The following AP2A1 variants were observed in gnomAD, a reference collection of about 807,000 sequenced individuals.
AP2A1 encodes AP-2 complex subunit alpha-1.
A neutral mutation model predicts 107.3 loss-of-function variants in AP2A1; 21 were observed. That is an observed-to-expected ratio of 0.20 (90% confidence interval 0.14 to 0.28). The LOEUF (loss-of-function observed/expected upper bound fraction) is 0.28, where lower values mean the gene tolerates loss of function less well. Among genes scored for constraint, AP2A1 ranks in the 10% least tolerant of loss-of-function variants. The pLI is 1.00. For missense variants in AP2A1, 873 were observed against 1,307.7 expected (o/e 0.67, Z 5.13); for synonymous variants, 602 against 564.8 (o/e 1.07, Z -0.93).
intron 1 of AP2A1, among the ~76,000 whole-genome samples, chr19:49,767,804 A>C (rs1410957022): frequency 1.5e-4 from 23 of 151,978 alleles, no homozygotes; most frequent in Non-Finnish European, 1.5e-4. Context: ...CGGGGAGACT[A>C]TAAGGACACC....
At chr19:49,770,580 C>T (rs1251505696) in intron 1 of AP2A1, among the ~76,000 whole-genome samples, 1 of 152,172 alleles carries the variant, frequency 6.6e-6, no homozygotes, top group African/African-American at 2.4e-5. Context: ...AGAAACGGGC[C>T]AAATGCCCAT....
At position 49,806,904 on chromosome 19, in the gene AP2A1, T is replaced by C. The variant is rs182017696; in HGVS notation, c.*146T>C. 11 of 1,538,526 alleles carry C rather than the reference T, an allele frequency of 7.1e-6. No individual in the cohort carries two copies. In the Admixed American group the frequency reaches 1.6e-4, roughly 22 times the overall value. ...TGGGACTTTCCTCCGGCCTTTTGTA[T>C]TTTTATTTTTGTTCATCTGCTGCTG... On this transcript the variant is annotated 3_prime_UTR_variant, in exon 23 of 23. Coordinates refer to ENST00000354293, the MANE Select transcript of AP2A1 (RefSeq NM_130787.3).
Position 49,805,934 on chromosome 19 carries a change from A to G in AP2A1, c.2648A>G (p.Lys883Arg). 6.2e-7 allele frequency: 1 copy of G among 1,613,854 alleles called. No homozygotes were observed. Among genetic ancestry groups the G allele is most frequent in the Non-Finnish European group, 8.5e-7 (1 of 1,179,884 alleles). The change falls in exon 21 of 23, where the codon AAG becomes AGG. Residue 883 changes from lysine (K) to arginine (R), a missense_variant. By Grantham distance (26) the Lys-to-Arg change is conservative. Coordinates refer to ENST00000354293, the MANE Select transcript of AP2A1 (RefSeq NM_130787.3). ...ANHPMDAEVT[K>R]AKLLGFGSAL... ...CACCCCATGGACGCAGAAGTTACTA[A>G]GGCCAAGGTGAGAGACCGCGGGCGT...
chr19:49,776,444 GT>G (rs1221299900), intron 1 of AP2A1, among the ~76,000 whole-genome samples: 1 of 152,136 alleles, frequency 6.6e-6, no homozygotes, highest in East Asian at 1.9e-4. Context: ...CCCGAAATGT[GT>G]ATACCTCTTT....
At chr19:49,777,798 G>A (rs185972329) in intron 1 of AP2A1, among the ~76,000 whole-genome samples, 8 of 148,946 alleles carry the variant, frequency 5.4e-5, no homozygotes, top group African/African-American at 1.2e-4. Context: ...GTGTGGTGGC[G>A]CACCTCACAG....
At chr19:49,803,753 G>A in intron 18 of AP2A1, 5 of 332,296 alleles carry the variant, frequency 1.5e-5, no homozygotes, top group South Asian at 1.3e-4. Context: ...TCTGGGCTGA[G>A]TCACTTTGCC....
Position 49,782,738 on chromosome 19 carries a change from G to A in AP2A1, c.473+14G>A. On this transcript the variant is annotated intron_variant, in intron 4 of 22. Transcript: ENST00000354293. ...CCTGGTGGCCGGGTAAGGCACTGGGGACCCGTTGGCAGTGGGGGGCCTGGG... is the reference window on the plus strand; with the variant it reads ...CCTGGTGGCCGGGTAAGGCACTGGGAACCCGTTGGCAGTGGGGGGCCTGGG... 6.3e-7 allele frequency: 1 copy of A among 1,580,178 alleles called. No homozygotes were observed. Among genetic ancestry groups the A allele is most frequent in the Non-Finnish European group, 8.6e-7 (1 of 1,167,632 alleles).
chr19:49,777,361 C>T (rs986383826), intron 1 of AP2A1, among the ~76,000 whole-genome samples: 23 of 150,402 alleles, frequency 1.5e-4, no homozygotes, highest in African/African-American at 5.1e-4. Flanking sequence ...TCCAGCCGGG[C>T]GCGGTGGCTC....
Position 49,806,978 on chromosome 19 carries a change from C to T in AP2A1, c.*220C>T. 1 of 1,530,528 alleles carries T rather than the reference C, an allele frequency of 6.5e-7. No homozygotes were observed. Among genetic ancestry groups the T allele is most frequent in the South Asian group, 1.2e-5 (1 of 83,082 alleles). The allele number at this position is 1,530,528 out of a possible 1,614,324, so 94.8% of individuals were successfully genotyped here. Reference sequence around the variant, plus strand: ...GAGTCCCCCTCCCTCCCTTTCCCCCCCAAGCACAGAGGGGAGAGGGGCCAG... The same window carrying T: ...GAGTCCCCCTCCCTCCCTTTCCCCCTCAAGCACAGAGGGGAGAGGGGCCAG... On this transcript the variant is annotated 3_prime_UTR_variant, in exon 23 of 23. Coordinates refer to ENST00000354293, the MANE Select transcript of AP2A1 (RefSeq NM_130787.3).
At chr19:49,789,506 G>C (rs1308790594) in intron 4 of AP2A1, among the ~76,000 whole-genome samples, 1 of 151,718 alleles carries the variant, frequency 6.6e-6, no homozygotes, top group East Asian at 1.9e-4. Flanking sequence ...GGCCAGGCTG[G>C]TCTCAAACTC....
intron 1 of AP2A1, among the ~76,000 whole-genome samples, chr19:49,780,935 G>A (rs2084668029): frequency 7.1e-6 from 1 of 141,764 alleles, no homozygotes; most frequent in Non-Finnish European, 1.6e-5. Flanking sequence ...GTTCTGTTTG[G>A]AGGAGAAGAG....
chr19:49,773,095 G>T (rs2084582091), intron 1 of AP2A1, among the ~76,000 whole-genome samples: 1 of 152,140 alleles, frequency 6.6e-6, no homozygotes, highest in Admixed American at 6.6e-5. Context: ...TATGGGGAAG[G>T]GTCTAGAAGG....
At chr19:49,795,605 C>CCCCCCTT in intron 6 of AP2A1, 25 bp from the exon 7 acceptor site, 5 of 812,240 alleles carry the variant, frequency 6.2e-6, no homozygotes, top group Admixed American at 5.1e-5. Flanking sequence ...CAGCCCCCAA[C>CCCCCCTT]TTATTTCTTG....
chr19:49,806,828 A>C lies in AP2A1; in HGVS notation c.*70A>C. The stretch of plus-strand genomic sequence containing the variant: ...CCTTGGACTGAGGCAGTTTTGGTGG[A>C]TGGGGGACCTCCACTGGTGACAGAG... On this transcript the variant is annotated 3_prime_UTR_variant, in exon 23 of 23. Transcript: ENST00000354293. The C allele has an allele frequency of 6.2e-7, 1 of 1,605,376 alleles. No individual in the cohort carries two copies. The highest frequency in any genetic ancestry group is 8.5e-7 in the Non-Finnish European group (1 of 1,177,048).
rs1437045000 is a variant in AP2A1 at position 49,805,647 on chromosome 19, T to G, written c.2469-14T>G. On this transcript the variant is annotated splice_polypyrimidine_tract_variant and intron_variant, in intron 19 of 22. Transcript: ENST00000354293. ...GGGGCGGGGCCTAATGGAGCCTCCC[T>G]TTCACCTCATCAGGTACGGTGGCGC... is the stretch of plus-strand genomic sequence containing the variant. The G allele has an allele frequency of 2.6e-6, 4 of 1,557,158 alleles. No individual in the cohort carries two copies. In the African/African-American group the frequency reaches 5.5e-5, roughly 21 times the overall value.
rs113664387 is a variant in AP2A1 at position 49,806,018 on chromosome 19, G to C, written c.2655+77G>C. On this transcript the variant is annotated intron_variant, in intron 21 of 22. Coordinates refer to ENST00000354293, the MANE Select transcript of AP2A1 (RefSeq NM_130787.3). ...GCCTCTGTTTTCCCATCTGTAAAGT[G>C]GGGCCAATTCCCATCCCCAAGGGTT... The C allele has an allele frequency of 8.9e-4, 1,442 of 1,612,182 alleles. 14 individuals are homozygous for C. The African/African-American group carries it at 0.017, about 19-fold the overall frequency.
intron 4 of AP2A1, among the ~76,000 whole-genome samples, chr19:49,787,341 T>TTTG (rs2084751452): frequency 9.3e-6 from 1 of 107,462 alleles, no homozygotes; most frequent in Admixed American, 1.0e-4. Flanking sequence ...TTTGTTTGTT[T>TTTG]TTTTTGTTTT....
chr19:49,802,237 C>T (rs1380415090), intron 15 of AP2A1, 96 bp downstream of exon 15: 3 of 1,001,810 alleles, frequency 3.0e-6, no homozygotes, highest in East Asian at 5.2e-5. Flanking sequence ...CCTCCCCCGC[C>T]CCCGACTCGC....
intron 6 of AP2A1, 63 bp downstream of exon 6, chr19:49,793,155 C>A: frequency 2.1e-6 from 3 of 1,400,044 alleles, no homozygotes; most frequent in Non-Finnish European, 2.9e-6. Context: ...CCTCTGACAC[C>A]CCTCAGGCCC....
Sources: allele counts gnomAD v4.1 joint callset (sites outside exome capture counted in the v4.1 genomes callset), GRCh38; gene constraint gnomAD v4.1.1; transcripts MANE v1.5; gene names NCBI Gene and HGNC (gene_info 2026-07-23, HGNC 2026-07-21).